Variants in MAN1B1 observed in about 807,000 individuals in gnomAD.
The protein encoded by MAN1B1 is endoplasmic reticulum mannosyl-oligosaccharide 1,2-alpha-mannosidase.
A neutral mutation model predicts 75.5 loss-of-function variants in MAN1B1; 66 were observed. The ratio of observed to expected loss-of-function variants is 0.87; its 90% confidence interval spans 0.72 to 1.07. MAN1B1 has a LOEUF of 1.07. MAN1B1 is among the 50% of genes least tolerant of loss of function. MAN1B1 has a pLI of 0.00. For synonymous variants in MAN1B1, 453 were observed against 382.8 expected (o/e 1.18, Z -2.14); for missense variants, 973 against 912.5 (o/e 1.07, Z -0.85).
intron 1 of MAN1B1, 147 bp from the exon 2 acceptor site, chr9:137,087,928 T>G (rs1396399563): frequency 5.3e-5 from 38 of 720,176 alleles, no homozygotes; most frequent in East Asian, 1.6e-4. Context: ...TGTAACAGAA[T>G]GAGACCCTGT....
rs542271188 is a variant in MAN1B1 at position 137,108,264 on chromosome 9, G to T, written c.1897-124G>T. The T allele has an allele frequency of 8.2e-6, 7 of 857,816 alleles. No individual in the cohort carries two copies. In the African/African-American group the frequency reaches 1.0e-4, roughly 12 times the overall value. 53.1% of individuals were successfully genotyped at this position (857,816 alleles called of 1,614,324 possible). ...GCCTGGGGGTGGCCATCATCCAGGCGCCCTCCACCCTGAGCTTGCGCTGGG... is the reference window on the plus strand; with the variant it reads ...GCCTGGGGGTGGCCATCATCCAGGCTCCCTCCACCCTGAGCTTGCGCTGGG... On this transcript the variant is annotated intron_variant, in intron 12 of 12. Coordinates refer to ENST00000371589, the MANE Select transcript of MAN1B1 (RefSeq NM_016219.5).
chr9:137,087,990 C>G, intron 1 of MAN1B1, 85 bp from the exon 2 acceptor site: 1 of 1,074,454 alleles, frequency 9.3e-7, no homozygotes, highest in Non-Finnish European at 1.5e-6. Context: ...CAGAAGAATT[C>G]CTTATTGTCC....
Position 137,099,715 on chromosome 9 carries a change from G to C in MAN1B1, c.750G>C (p.Gln250His). ...TACTAGTGCATCTGAACTATCGCCA[G>C]AAGGGCGTGATTGACGTCTTCCTGC... The part of the protein sequence containing the change: ...QGTPVHLNYR[Q>H]KGVIDVFLHA... The change falls in exon 6 of 13, where the codon CAG becomes CAC. Residue 250 changes from glutamine (Q) to histidine (H), a missense_variant. Coordinates refer to ENST00000371589, the MANE Select transcript of MAN1B1 (RefSeq NM_016219.5). 1 of 1,614,242 alleles carries C rather than the reference G, an allele frequency of 6.2e-7. No homozygotes were observed. Among genetic ancestry groups the C allele is most frequent in the Non-Finnish European group, 8.5e-7 (1 of 1,180,054 alleles).
At position 137,087,228 on chromosome 9, in the gene MAN1B1, G is replaced by A. The variant is rs907956683; in HGVS notation, c.219+10G>A. 3 of 1,564,464 alleles carry A rather than the reference G, an allele frequency of 1.9e-6. No individual in the cohort carries two copies. Among genetic ancestry groups the A allele is most frequent in the Admixed American group, 1.9e-5 (1 of 52,614 alleles). Reference sequence around the variant, plus strand: ...GCGCTCGTGCTGGAGGGTGAGGGTCGCGCCGGGCTGACTGGGGCCCGGGGC... The same window carrying A: ...GCGCTCGTGCTGGAGGGTGAGGGTCACGCCGGGCTGACTGGGGCCCGGGGC... On this transcript the variant is annotated intron_variant, in intron 1 of 12. Coordinates refer to ENST00000371589, the MANE Select transcript of MAN1B1 (RefSeq NM_016219.5).
In MAN1B1 at chr9:137,102,046, TAC is replaced by T. The variant is rs568400694; in HGVS notation, c.1254+380_1254+381del. 1,384 of 460,858 alleles carry T rather than the reference TAC, an allele frequency of 3.0e-3. 32 individuals are homozygous for T. The Admixed American group carries it at 0.033, about 11-fold the overall frequency. The allele number at this position is 460,858 out of a possible 1,614,324, so 28.5% of individuals were successfully genotyped here. A position where few individuals can be genotyped will look rare whatever the true frequency, so the allele number is the denominator to read the frequency against. ...TTGCAGGCGTGCAGGTTGGTGCTGTTACACACATGCTGTTGCAGGAGTACAGG... is the reference window on the plus strand; with the variant it reads ...TTGCAGGCGTGCAGGTTGGTGCTGTTACACATGCTGTTGCAGGAGTACAGG... On this transcript the variant is annotated intron_variant, in intron 8 of 12. Coordinates refer to ENST00000371589, the MANE Select transcript of MAN1B1 (RefSeq NM_016219.5).
chr9:137,106,023 C>T (rs770496933), intron 8 of MAN1B1, 102 bp from the exon 9 acceptor site: 37 of 904,150 alleles, frequency 4.1e-5, no homozygotes, highest in Middle Eastern at 4.2e-4. Context: ...GGGAGTCAGT[C>T]GGTGCTGGGG....
chr9:137,099,231 G>C (rs143006786), intron 5 of MAN1B1, among the ~76,000 whole-genome samples: 5 of 152,396 alleles, frequency 3.3e-5, no homozygotes, highest in Non-Finnish European at 5.9e-5. Flanking sequence ...GCGTGTTTGA[G>C]TCGAGGATGT....
At chr9:137,103,702 G>A (rs372613896) in intron 8 of MAN1B1, 2 of 437,724 alleles carry the variant, frequency 4.6e-6, no homozygotes, top group East Asian at 7.5e-5. Context: ...TCACACTGTT[G>A]CAGGCGTGCA....
Position 137,108,178 on chromosome 9 carries a change from G to A in MAN1B1, c.1897-210G>A, listed in dbSNP as rs577598300. 136 of 619,514 alleles carry A rather than the reference G, an allele frequency of 2.2e-4. 1 individual carries two copies. The African/African-American group carries it at 2.2e-3, about 10-fold the overall frequency. 38.4% of individuals were successfully genotyped at this position (619,514 alleles called of 1,614,324 possible). On this transcript the variant is annotated intron_variant, in intron 12 of 12. Coordinates refer to ENST00000371589, the MANE Select transcript of MAN1B1 (RefSeq NM_016219.5). ...CCAGGTTCTGGGGGAGGCGGTTTCT[G>A]TCGTGGTCACTTGAGGGTTGTTGGC...
rs781297698 is a variant in MAN1B1 at position 137,096,192 on chromosome 9, C to T, written c.466-45C>T. 6.8e-6 allele frequency: 11 copies of T among 1,611,356 alleles called. No individual in the cohort carries two copies. In the East Asian group the frequency reaches 2.5e-4, roughly 36 times the overall value. On this transcript the variant is annotated intron_variant, in intron 3 of 12. Transcript: ENST00000371589. ...GTCCCATAGAGGGAAAGAAGGGCAGCTCGCAGACACCCCGTGATTTCCTGT... is the reference window on the plus strand; with the variant it reads ...GTCCCATAGAGGGAAAGAAGGGCAGTTCGCAGACACCCCGTGATTTCCTGT...
intron 8 of MAN1B1, chr9:137,102,751 T>TACAC (rs1180470418): frequency 2.4e-6 from 1 of 414,578 alleles, no homozygotes; most frequent in African/African-American, 2.6e-5. Context: ...TCGGTGGTGT[T>TACAC]ACATTCACAC....
chr9:137,088,830 T>A, intron 2 of MAN1B1, 39 bp from the exon 3 acceptor site: 2 of 1,612,154 alleles, frequency 1.2e-6, no homozygotes, highest in Non-Finnish European at 8.5e-7. Context: ...CTTGTAGGCC[T>A]TGTGGCATAT....
intron 6 of MAN1B1, among the ~76,000 whole-genome samples, chr9:137,100,641 A>T (rs577976488): frequency 4.5e-4 from 69 of 152,040 alleles, no homozygotes; most frequent in African/African-American, 1.6e-3. Context: ...TTTTTTGGAG[A>T]CAGAGTCTAG....
rs755131431 is a variant in MAN1B1, at chr9:137,106,738, C to T, written c.1495C>T (p.Leu499=). 1.2e-5 allele frequency: 19 copies of T among 1,613,414 alleles called. No homozygotes were observed. Among genetic ancestry groups the T allele is most frequent in the Non-Finnish European group, 1.5e-5 (18 of 1,180,000 alleles). Residue 499 remains leucine (L), a synonymous_variant, in exon 10 of 13, where the codon CTG becomes TTG. Coordinates refer to ENST00000371589, the MANE Select transcript of MAN1B1 (RefSeq NM_016219.5). ...CATCGAGGGTGTCAGAACGCACCTGCTGCGGCACTCCGAGCCCAGTAAGCT... is the reference window on the plus strand; with the variant it reads ...CATCGAGGGTGTCAGAACGCACCTGTTGCGGCACTCCGAGCCCAGTAAGCT... ...EAIEGVRTHL[L]RHSEPSKLTF... is the part of the protein sequence containing the mutation.
rs1831212282 is a variant in MAN1B1 at position 137,108,806 on chromosome 9, G to C, written c.*215G>C. On this transcript the variant is annotated 3_prime_UTR_variant, in exon 13 of 13. Coordinates refer to ENST00000371589, the MANE Select transcript of MAN1B1 (RefSeq NM_016219.5). ...TGATGCGGGGTGGGCTGGGCCGCTG[G>C]AGCCTCCGCCTGCTTCCTCCAGAAG... The C allele has an allele frequency of 1.4e-6, 1 of 690,680 alleles. No individual in the cohort carries two copies. Among genetic ancestry groups the C allele is most frequent in the Non-Finnish European group, 2.6e-6 (1 of 378,008 alleles). The allele number at this position is 690,680 out of a possible 1,614,324, so 42.8% of individuals were successfully genotyped here.
rs752732507 is a variant in MAN1B1, at chr9:137,106,793, G to A, written c.1550G>A (p.Arg517His). ...TTTGTGGGGGAGCTTGCCCACGGCC[G>A]CTTCAGTGCCAAGATGGTGAGTGTG... ...LTFVGELAHG[R>H]FSAKMDHLVC... is the part of the protein sequence containing the mutation. The change falls in exon 10 of 13, where the codon CGC (arginine) becomes CAC (histidine). Residue 517 changes from arginine (R) to histidine (H), a missense_variant. By Grantham distance (29) the Arg-to-His change is conservative. Coordinates refer to ENST00000371589, the MANE Select transcript of MAN1B1 (RefSeq NM_016219.5). The A allele has an allele frequency of 3.7e-6, 6 of 1,613,234 alleles. No individual in the cohort carries two copies. Among genetic ancestry groups the A allele is most frequent in the East Asian group, 2.2e-5 (1 of 44,894 alleles).
intron 3 of MAN1B1, among the ~76,000 whole-genome samples, chr9:137,093,125 A>G (rs58823090): frequency 0.074 from 11,322 of 152,190 alleles, 1,365 homozygotes; most frequent in African/African-American, 0.25. Context: ...AGTGGCTCAC[A>G]CCTGTAGTCC....
At chr9:137,093,606 G>A (rs1830573656) in intron 3 of MAN1B1, among the ~76,000 whole-genome samples, 1 of 152,114 alleles carries the variant, frequency 6.6e-6, no homozygotes, top group Non-Finnish European at 1.5e-5. Context: ...TGAAGCGGGT[G>A]GATCACAAGG....
rs772649427 is a variant in MAN1B1 at position 137,106,232 on chromosome 9, C to T, written c.1362C>T (p.Gly454=). The T allele has an allele frequency of 1.1e-5, 18 of 1,603,790 alleles. No individual in the cohort carries two copies. The highest frequency in any genetic ancestry group is 9.0e-5 in the East Asian group (4 of 44,614). Residue 454 remains glycine, a synonymous_variant, in exon 9 of 13, where the codon GGC becomes GGT. Transcript: ENST00000371589. ...NTHSGLFTHL[G]VFTLGARADS... ...ACAGTGGCCTCTTCACCCACCTGGGCGTATTCACGCTGGGCGCCAGGGCCG... is the reference window on the plus strand; with the variant it reads ...ACAGTGGCCTCTTCACCCACCTGGGTGTATTCACGCTGGGCGCCAGGGCCG...
Sources: gnomAD v4.1 joint callset for allele counts (sites outside exome capture counted in the v4.1 genomes callset) on GRCh38, gnomAD v4.1.1 for gene constraint, MANE v1.5 for transcripts, NCBI Gene and HGNC (gene_info 2026-07-23, HGNC 2026-07-21) for gene names.